SCFD2: variants seen among roughly 807,000 people sequenced by gnomAD.
The protein encoded by SCFD2 is sec1 family domain containing 2.
In SCFD2, 54 loss-of-function variants were observed where a neutral mutation model predicts 58.9. That is an observed-to-expected ratio of 0.92 (90% CI 0.74 to 1.15). SCFD2 has a LOEUF of 1.15. Ranked by LOEUF, SCFD2 falls within the 50% of genes most tolerant of loss-of-function variation. SCFD2 has a pLI of 0.00. For missense variants in SCFD2, 805 were observed against 836.6 expected (o/e 0.96, Z 0.47); for synonymous variants, 321 against 335.9 (o/e 0.96, Z 0.49).
At chr4:53,329,301 C>A (rs1733337185) in intron 2 of SCFD2, among the ~76,000 whole-genome samples, 1 of 152,116 alleles carries the variant, frequency 6.6e-6, no homozygotes, top group Non-Finnish European at 1.5e-5. Flanking sequence ...AGGGCACAGA[C>A]AAACAAAAAG....
At chr4:52,946,067 G>A (rs1038475733) in intron 5 of SCFD2, among the ~76,000 whole-genome samples, 1 of 152,144 alleles carries the variant, frequency 6.6e-6, no homozygotes, top group Non-Finnish European at 1.5e-5. Flanking sequence ...ATGGAAAAAT[G>A]AAATAGGTTA....
chr4:53,112,474 C>T (rs1725200342), intron 5 of SCFD2, among the ~76,000 whole-genome samples: 1 of 152,104 alleles, frequency 6.6e-6, no homozygotes, highest in Non-Finnish European at 1.5e-5. Context: ...TAAGTCATGA[C>T]ATCTGCCATC....
At chr4:53,303,947 T>G (rs1421774630) in intron 3 of SCFD2, among the ~76,000 whole-genome samples, 2 of 120,772 alleles carry the variant, frequency 1.7e-5, no homozygotes, top group Non-Finnish European at 3.2e-5. Flanking sequence ...CACTGGGGAC[T>G]GTTGTCGGGT....
At chr4:52,902,965 T>C (rs1471989235) in intron 7 of SCFD2, among the ~76,000 whole-genome samples, 2 of 152,212 alleles carry the variant, frequency 1.3e-5, no homozygotes. Context: ...GAGACAGCTG[T>C]CTATCATTTA....
At chr4:53,141,307 A>AG (rs1726156578) in intron 5 of SCFD2, among the ~76,000 whole-genome samples, 1 of 152,222 alleles carries the variant, frequency 6.6e-6, no homozygotes, top group Non-Finnish European at 1.5e-5. Flanking sequence ...AGGGTCAAAA[A>AG]GGGAAATGTA....
At chr4:52,991,613 T>G (rs934088250) in intron 5 of SCFD2, among the ~76,000 whole-genome samples, 1 of 152,180 alleles carries the variant, frequency 6.6e-6, no homozygotes, top group African/African-American at 2.4e-5. Flanking sequence ...ATTAAGGGCC[T>G]GGTTACTAAT....
chr4:53,161,107 G>A (rs1272937578), intron 4 of SCFD2, among the ~76,000 whole-genome samples: 2 of 152,124 alleles, frequency 1.3e-5, no homozygotes, highest in Non-Finnish European at 2.9e-5. Flanking sequence ...CAAAAGCCAA[G>A]GGAAATGTAT....
intron 4 of SCFD2, among the ~76,000 whole-genome samples, chr4:53,256,473 G>C (rs905761697): frequency 1.3e-5 from 2 of 152,048 alleles, no homozygotes; most frequent in African/African-American, 4.8e-5. Context: ...CTTCCCAGAC[G>C]GGGTGGCGGC....
At chr4:52,961,416 T>C (rs558740758) in intron 5 of SCFD2, among the ~76,000 whole-genome samples, 2 of 152,300 alleles carry the variant, frequency 1.3e-5, no homozygotes, top group South Asian at 4.1e-4. Flanking sequence ...AGGACAAAGA[T>C]TGAGGAAACC....
At chr4:53,221,049 T>A (rs11942132) in intron 4 of SCFD2, among the ~76,000 whole-genome samples, 81,849 of 151,824 alleles carry the variant, frequency 0.54, 22,262 homozygotes, top group Middle Eastern at 0.62. Flanking sequence ...GTAGCAGGAG[T>A]ATCAGGAGCA....
At position 52,873,808 on chromosome 4, in the gene SCFD2, C is replaced by A; in HGVS notation, c.*161G>T. 19 of 433,684 alleles carry A rather than the reference C, an allele frequency of 4.4e-5. No individual in the cohort carries two copies. Among genetic ancestry groups the A allele is most frequent in the South Asian group, 2.4e-4 (4 of 16,784 alleles). The allele number at this position is 433,684 out of a possible 1,614,324, so 26.9% of individuals were successfully genotyped here. On this transcript the variant is annotated 3_prime_UTR_variant, in exon 9 of 9. Transcript: ENST00000401642. ...TTTTTAAGAATCACAGCAATCCAAG[C>A]AAAGTACCTCACTGAGTAGGTATCA...
intron 3 of SCFD2, among the ~76,000 whole-genome samples, chr4:53,283,651 C>T (rs545867156): frequency 6.5e-4 from 99 of 152,072 alleles, no homozygotes; most frequent in African/African-American, 2.2e-3. Flanking sequence ...TCACTGCAAC[C>T]TCTGCCTCCC....
chr4:53,276,515 G>A (rs1201835127), intron 3 of SCFD2, among the ~76,000 whole-genome samples: 2 of 151,756 alleles, frequency 1.3e-5, no homozygotes, highest in Non-Finnish European at 2.9e-5. Flanking sequence ...TGTTATATAG[G>A]TAAACTCGTG....
At chr4:53,317,147 A>T (rs145303413) in intron 2 of SCFD2, among the ~76,000 whole-genome samples, 2 of 152,056 alleles carry the variant, frequency 1.3e-5, no homozygotes, top group African/African-American at 4.8e-5. Context: ...GATATGTGTG[A>T]GAGTTCCTAA....
intron 5 of SCFD2, among the ~76,000 whole-genome samples, chr4:53,006,701 G>C (rs1721976981): frequency 6.6e-6 from 1 of 152,128 alleles, no homozygotes; most frequent in South Asian, 2.1e-4. Context: ...AATCTAGCTG[G>C]GGAAACAGAA....
At chr4:53,056,076 T>C (rs1445966056) in intron 5 of SCFD2, among the ~76,000 whole-genome samples, 3 of 151,528 alleles carry the variant, frequency 2.0e-5, no homozygotes, top group Non-Finnish European at 4.4e-5. Flanking sequence ...TTCCCCAAGA[T>C]ACCTTCCAAA....
chr4:52,997,011 T>C (rs1360903644), intron 5 of SCFD2, among the ~76,000 whole-genome samples: 1 of 152,234 alleles, frequency 6.6e-6, no homozygotes, highest in Non-Finnish European at 1.5e-5. Flanking sequence ...AGAACAGCAG[T>C]GCCATCAGGC....
chr4:53,199,898 T>C (rs1728174238), intron 4 of SCFD2, among the ~76,000 whole-genome samples: 1 of 151,946 alleles, frequency 6.6e-6, no homozygotes, highest in South Asian at 2.1e-4. Context: ...GCTTTTTTCA[T>C]GTGTATTCAC....
At chr4:52,929,761 A>T (rs901025213) in intron 5 of SCFD2, among the ~76,000 whole-genome samples, 1 of 152,198 alleles carries the variant, frequency 6.6e-6, no homozygotes, top group African/African-American at 2.4e-5. Context: ...TCCAGGAAGC[A>T]TTGCTACAAA....
Sources: gnomAD v4.1 joint callset for allele counts (sites outside exome capture counted in the v4.1 genomes callset) on GRCh38, gnomAD v4.1.1 for gene constraint, MANE v1.5 for transcripts, NCBI Gene and HGNC (gene_info 2026-07-23, HGNC 2026-07-21) for gene names.